IDH2: variants seen among roughly 807,000 people sequenced by gnomAD.
IDH2 encodes isocitrate dehydrogenase (NADP(+)) 2.
Under a neutral mutation model 50.5 loss-of-function variants are expected in IDH2, and 18 were observed. The ratio of observed to expected loss-of-function variants is 0.36; its 90% confidence interval spans 0.25 to 0.53. The LOEUF (loss-of-function observed/expected upper bound fraction) is 0.53. IDH2 is among the 20% of genes least tolerant of loss of function. IDH2 has a pLI of 0.92. For missense variants in IDH2, 518 were observed against 610.7 expected, an observed-to-expected ratio of 0.85 and a Z score of 1.60; for synonymous variants, 280 against 239.8, an observed-to-expected ratio of 1.17 and a Z score of -1.55.
At chr15:90,091,524 G>A (rs370431163) in intron 2 of IDH2, 29 bp downstream of exon 2, 2 of 1,576,140 alleles carry the variant, frequency 1.3e-6, no homozygotes, top group Non-Finnish European at 1.7e-6. Flanking sequence ...CCCACCTGGA[G>A]AGCCACCCAC....
chr15:90,099,924 G>A (rs1901285574), intron 1 of IDH2, among the ~76,000 whole-genome samples: 1 of 152,182 alleles, frequency 6.6e-6, no homozygotes, highest in Non-Finnish European at 1.5e-5. Flanking sequence ...GCACAAAGTA[G>A]GAGTATACTA....
chr15:90,101,421 C>G (rs1264504136), intron 1 of IDH2, among the ~76,000 whole-genome samples: 1 of 152,120 alleles, frequency 6.6e-6, no homozygotes, highest in Non-Finnish European at 1.5e-5. Context: ...GCCCACACGC[C>G]AAGCAAGGCA....
At position 90,096,974 on chromosome 15, in the gene IDH2, C is replaced by T. The variant is rs181124077; in HGVS notation, c.115+5302G>A. On this transcript the variant is annotated intron_variant, in intron 1 of 10. Coordinates refer to ENST00000330062, the MANE Select transcript of IDH2 (RefSeq NM_002168.4). ...ACTATATGATCCAGCAATTCTGCTT[C>T]TGTATATACATCCAAAAATATCGAA... Among the ~76,000 whole-genome samples, 712 of 152,240 alleles carry T rather than the reference C, an allele frequency of 4.7e-3. 1 individual carries two copies. Among genetic ancestry groups the T allele is most frequent in the Non-Finnish European group, 6.9e-3 (471 of 68,010 alleles).
Position 90,084,801 on chromosome 15 carries a change from C to T in IDH2, c.1271+15G>A. ...ACATGGCCCCAGGGTCTGCCTACCACCCCAGGCCACGCACTTGCTGAGGCC... is the reference window on the plus strand; with the variant it reads ...ACATGGCCCCAGGGTCTGCCTACCATCCCAGGCCACGCACTTGCTGAGGCC... On this transcript the variant is annotated intron_variant, in intron 10 of 10. Transcript: ENST00000330062. The surrounding 1 kb of genome is among the most constrained non-coding windows in gnomAD (Gnocchi z 5.0). 6.2e-7 allele frequency: 1 copy of T among 1,607,740 alleles called. No homozygotes were observed. Among genetic ancestry groups the T allele is most frequent in the Non-Finnish European group, 8.5e-7 (1 of 1,175,192 alleles).
intron 1 of IDH2, among the ~76,000 whole-genome samples, chr15:90,093,609 AATTTATTT>A (rs71151552): frequency 6.7e-6 from 1 of 150,332 alleles, no homozygotes; most frequent in Admixed American, 6.6e-5. Context: ...TTAATTAATT[AATTTATTT>A]ATTTATTTAT....
At chr15:90,094,773 G>A (rs552892696) in intron 1 of IDH2, among the ~76,000 whole-genome samples, 5 of 152,226 alleles carry the variant, frequency 3.3e-5, no homozygotes, top group East Asian at 1.9e-4. Context: ...ATGGTGGCAC[G>A]TGCCTATAAT....
At position 90,091,549 on chromosome 15, in the gene IDH2, C is replaced by A. The variant is rs77995170; in HGVS notation, c.207+4G>T. 1.9e-6 allele frequency: 3 copies of A among 1,612,270 alleles called. No individual in the cohort carries two copies. The African/African-American group carries it at 4.0e-5, about 22-fold the overall frequency. On this transcript the variant is annotated splice_donor_region_variant and intron_variant, in intron 2 of 10. Coordinates refer to ENST00000330062, the MANE Select transcript of IDH2 (RefSeq NM_002168.4). ...GAGCCACCCACTTCAGGAGGGGGCA[C>A]TACCTTCTCCTTGATGAACTGCCAG...
rs1478828264 is a variant in IDH2, at chr15:90,084,586, G to C, written c.1271+230C>G. Among the ~76,000 whole-genome samples the C allele has an allele frequency of 6.6e-6, 1 of 152,164 alleles. No individual in the cohort carries two copies. Among genetic ancestry groups the C allele is most frequent in the African/African-American group, 2.4e-5 (1 of 41,442 alleles). On this transcript the variant is annotated intron_variant, in intron 10 of 10. Transcript: ENST00000330062. The surrounding 1 kb of genome is among the most constrained non-coding windows in gnomAD (Gnocchi z 5.0). Reference sequence around the variant, plus strand: ...TGCTCTCCTGAGAGAAGCTGGGAAAGGGGTGTGGGCAGGGTCGGAAGGAGC... The same window carrying C: ...TGCTCTCCTGAGAGAAGCTGGGAAACGGGTGTGGGCAGGGTCGGAAGGAGC...
chr15:90,098,551 T>TATGTATGCATGC lies in IDH2; in HGVS notation c.115+3724_115+3725insGCATGCATACAT. Among the ~76,000 whole-genome samples, 1 of 41,146 alleles carries TATGTATGCATGC rather than the reference T, an allele frequency of 2.4e-5. No individual in the cohort carries two copies. The highest frequency in any genetic ancestry group is 5.7e-5 in the African/African-American group (1 of 17,630). The allele number at this position is 41,146 out of a possible 152,430, so 27.0% of individuals were successfully genotyped here. A position where few individuals can be genotyped will look rare whatever the true frequency, so the allele number is the denominator to read the frequency against. The stretch of plus-strand genomic sequence containing the variant: ...GCATGCATGTATGTATGTATGTATG[T>TATGTATGCATGC]ATGTATGTATTGAGACAGAGTCTCA... On this transcript the variant is annotated intron_variant, in intron 1 of 10. Transcript: ENST00000330062. This position sits in a 1 kb window ranked among gnomAD's most constrained non-coding sequence, Gnocchi z 5.1.
chr15:90,085,526 G>A lies in IDH2; in HGVS notation c.968-139C>T. 2 of 717,980 alleles carry A rather than the reference G, an allele frequency of 2.8e-6. No homozygotes were observed. Among genetic ancestry groups the A allele is most frequent in the Non-Finnish European group, 5.0e-6 (2 of 400,148 alleles). 44.5% of individuals were successfully genotyped at this position (717,980 alleles called of 1,614,324 possible). A position where few individuals can be genotyped will look rare whatever the true frequency, so the allele number is the denominator to read the frequency against. On this transcript the variant is annotated intron_variant, in intron 7 of 10. Coordinates refer to ENST00000330062, the MANE Select transcript of IDH2 (RefSeq NM_002168.4). This position sits in a 1 kb window ranked among gnomAD's most constrained non-coding sequence, Gnocchi z 5.5. ...CAGCCTCCCCCAGCTGCAACTGGGA[G>A]GACAGGGACTGTTCCAGGTCTCTTC...
At position 90,102,353 on chromosome 15, in the gene IDH2, C is replaced by T. The variant is rs763654597; in HGVS notation, c.38G>A (p.Arg13Lys). 33 of 1,369,038 alleles carry T rather than the reference C, an allele frequency of 2.4e-5. No individual in the cohort carries two copies. The highest frequency in any genetic ancestry group is 2.9e-5 in the Non-Finnish European group (30 of 1,050,614). 84.8% of individuals were successfully genotyped at this position (1,369,038 alleles called of 1,614,324 possible). Residue 13 changes from arginine (R) to lysine (K), a missense_variant, in exon 1 of 11, where the codon AGA becomes AAA. By Grantham distance (26) the Arg-to-Lys change is conservative (BLOSUM62 2). This residue lies in a region of IDH2 where 85 missense variants were observed against 66.9 expected (regional missense o/e 1.27). Transcript: ENST00000330062. ...CCAGGCCGGCCGCGAGCCTGAGGCTCTGCAGAGCGAGCGCACGACCCGCAG... is the reference window on the plus strand; with the variant it reads ...CCAGGCCGGCCGCGAGCCTGAGGCTTTGCAGAGCGAGCGCACGACCCGCAG... ...GYLRVVRSLC[R>K]ASGSRPAWAP...
Position 90,102,341 on chromosome 15 carries a change from G to A in IDH2, c.50C>T (p.Ser17Leu), listed in dbSNP as rs1396836085. Residue 17 changes from serine to leucine, a missense_variant, in exon 1 of 11, where the codon TCG becomes TTG. Around this residue, in one of 5 missense-constraint regions of IDH2, gnomAD observed 85 missense variants for 66.9 expected, o/e 1.27. Transcript: ENST00000330062. ...GGCCGCCGGCGCCCAGGCCGGCCGC[G>A]AGCCTGAGGCTCTGCAGAGCGAGCG... Reference protein sequence around the residue: ...VVRSLCRASGSRPAWAPAALT... With the variant: ...VVRSLCRASGLRPAWAPAALT... The A allele has an allele frequency of 4.4e-6, 6 of 1,367,700 alleles. No individual in the cohort carries two copies. The highest frequency in any genetic ancestry group is 3.2e-5 in the South Asian group (2 of 63,438). The allele number at this position is 1,367,700 out of a possible 1,614,324, so 84.7% of individuals were successfully genotyped here. A position where few individuals can be genotyped will look rare whatever the true frequency, so the allele number is the denominator to read the frequency against.
rs1307054994 is a variant in IDH2 at position 90,100,246 on chromosome 15, T to C, written c.115+2030A>G. ...AAACCCCAGGGAAGGCCACAGACCC[T>C]GGCTTCCAGTAATCTGAGAGCAGTT... On this transcript the variant is annotated intron_variant, in intron 1 of 10. Transcript: ENST00000330062. The surrounding 1 kb of genome is among the most constrained non-coding windows in gnomAD (Gnocchi z 4.1). Among the ~76,000 whole-genome samples the C allele has an allele frequency of 6.6e-6, 1 of 152,196 alleles. No individual in the cohort carries two copies. Among genetic ancestry groups the C allele is most frequent in the African/African-American group, 2.4e-5 (1 of 41,444 alleles).
intron 1 of IDH2, among the ~76,000 whole-genome samples, 180 bp downstream of exon 1, chr15:90,102,096 C>T (rs1901348556): frequency 1.3e-5 from 2 of 152,000 alleles, no homozygotes; most frequent in South Asian, 4.1e-4. Context: ...GCGCCTGGCA[C>T]GGCCGGGAAG....
intron 1 of IDH2, among the ~76,000 whole-genome samples, chr15:90,094,644 GC>G (rs1901132618): frequency 6.6e-6 from 1 of 152,220 alleles, no homozygotes; most frequent in East Asian, 1.9e-4. Flanking sequence ...AATGGCTCAT[GC>G]CTGTAATCCT....
rs1333028827 is a variant in IDH2 at position 90,085,416 on chromosome 15, G to A, written c.968-29C>T. ...GAGGGTAGAAAGCCTTTCTCTCAGGGCCTCGCCTCTCCTGGGGCCACCCAG... is the reference window on the plus strand; with the variant it reads ...GAGGGTAGAAAGCCTTTCTCTCAGGACCTCGCCTCTCCTGGGGCCACCCAG... On this transcript the variant is annotated intron_variant, in intron 7 of 10. Coordinates refer to ENST00000330062, the MANE Select transcript of IDH2 (RefSeq NM_002168.4). This position sits in a 1 kb window ranked among gnomAD's most constrained non-coding sequence, Gnocchi z 5.5. 6.8e-7 allele frequency: 1 copy of A among 1,475,506 alleles called. No homozygotes were observed. Among genetic ancestry groups the A allele is most frequent in the African/African-American group, 1.4e-5 (1 of 71,026 alleles). The allele number at this position is 1,475,506 out of a possible 1,614,324, so 91.4% of individuals were successfully genotyped here.
intron 1 of IDH2, among the ~76,000 whole-genome samples, chr15:90,096,700 G>A (rs1901190091): frequency 6.6e-6 from 1 of 152,108 alleles, no homozygotes; most frequent in South Asian, 2.1e-4. Context: ...GGATCACGAG[G>A]TCAGAAGATC....
rs1196262565 is a variant in IDH2, at chr15:90,084,440, T to C, written c.1272-87A>G. The C allele has an allele frequency of 7.2e-6, 9 of 1,244,814 alleles. No individual in the cohort carries two copies. The highest frequency in any genetic ancestry group is 3.9e-5 in the Admixed American group (2 of 51,448). The allele number at this position is 1,244,814 out of a possible 1,614,324, so 77.1% of individuals were successfully genotyped here. A position where few individuals can be genotyped will look rare whatever the true frequency, so the allele number is the denominator to read the frequency against. ...GGCCCTTCCAGGGAACAGCCTGAGC[T>C]TGGGCATCAGAACAGCCATCTCCTG... On this transcript the variant is annotated intron_variant, in intron 10 of 10. Coordinates refer to ENST00000330062, the MANE Select transcript of IDH2 (RefSeq NM_002168.4). This position sits in a 1 kb window ranked among gnomAD's most constrained non-coding sequence, Gnocchi z 5.0.
At position 90,102,405 on chromosome 15, in the gene IDH2, C is replaced by A. The variant is rs1268424849; in HGVS notation, c.-15G>T. The A allele has an allele frequency of 3.8e-6, 5 of 1,314,802 alleles. No homozygotes were observed. The Admixed American group carries it at 1.4e-4, about 37-fold the overall frequency. The allele number at this position is 1,314,802 out of a possible 1,614,324, so 81.4% of individuals were successfully genotyped here. ...TAGCCGGCCATCCCAAGCTGGAGAG[C>A]GAACGAGCAGGGCGGGAGAGGTCCG... On this transcript the variant is annotated 5_prime_UTR_variant, in exon 1 of 11. Coordinates refer to ENST00000330062, the MANE Select transcript of IDH2 (RefSeq NM_002168.4).
Sources: gnomAD v4.1 joint callset for allele counts (sites outside exome capture counted in the v4.1 genomes callset) on GRCh38, gnomAD v4.1.1 for gene constraint, gnomAD v4.1.1 regional missense constraint, Gnocchi (gnomAD v3.1) non-coding constraint, MANE v1.5 for transcripts, NCBI Gene and HGNC (gene_info 2026-07-23, HGNC 2026-07-21) for gene names.